Variants in SLCO6A1 observed in about 807,000 individuals in gnomAD.
SLCO6A1 encodes cancer/testis antigen 48.
SLCO6A1 carries 65 observed loss-of-function variants against 72.7 expected under a neutral mutation model. The ratio of observed to expected loss-of-function variants is 0.89; its 90% CI spans 0.73 to 1.10. SLCO6A1 has a LOEUF of 1.10. SLCO6A1 is among the 50% of genes least tolerant of loss of function. SLCO6A1 has a pLI of 0.00. For synonymous variants in SLCO6A1, 314 were observed against 298.2 expected, an observed-to-expected ratio of 1.05 and a Z score of -0.55; for missense variants, 874 against 872.6, an observed-to-expected ratio of 1.00 and a Z score of -0.02.
intron 6 of SLCO6A1, among the ~76,000 whole-genome samples, chr5:102,456,749 C>A (rs1423495251): frequency 6.6e-6 from 1 of 152,170 alleles, no homozygotes; most frequent in Non-Finnish European, 1.5e-5. Context: ...TTGGAAAAAA[C>A]TACTTTAAAG....
chr5:102,476,392 G>A (rs1471594891), intron 3 of SLCO6A1, among the ~76,000 whole-genome samples: 3 of 152,132 alleles, frequency 2.0e-5, no homozygotes, highest in Non-Finnish European at 4.4e-5. Flanking sequence ...ACAATCTTTA[G>A]GTAGAATTGC....
intron 6 of SLCO6A1, among the ~76,000 whole-genome samples, chr5:102,446,982 T>C (rs554607822): frequency 1.3e-5 from 2 of 152,300 alleles, no homozygotes; most frequent in South Asian, 2.1e-4. Context: ...CTCAAGCTCC[T>C]GACCTCGTGA....
At chr5:102,392,316 A>G (rs1746809744) in intron 10 of SLCO6A1, among the ~76,000 whole-genome samples, 1 of 151,942 alleles carries the variant, frequency 6.6e-6, no homozygotes, top group South Asian at 2.1e-4. Flanking sequence ...TTTCATTATG[A>G]GCAGATTCAC....
intron 12 of SLCO6A1, among the ~76,000 whole-genome samples, chr5:102,379,278 T>C (rs1745983551): frequency 6.6e-6 from 1 of 152,200 alleles, no homozygotes; most frequent in South Asian, 2.1e-4. Flanking sequence ...GGTAATAATT[T>C]GTTAATTTTA....
chr5:102,387,628 A>G (rs1022519797), intron 12 of SLCO6A1, among the ~76,000 whole-genome samples: 1 of 152,204 alleles, frequency 6.6e-6, no homozygotes, highest in Non-Finnish European at 1.5e-5. Flanking sequence ...CTTCGGAATT[A>G]GAAGGCATTG....
chr5:102,389,289 A>G (rs1746596505), intron 11 of SLCO6A1, among the ~76,000 whole-genome samples: 1 of 152,168 alleles, frequency 6.6e-6, no homozygotes, highest in African/African-American at 2.4e-5. Context: ...AAATGCAAAT[A>G]CACTGGCATG....
In SLCO6A1 at chr5:102,498,883, G is replaced by A; in HGVS notation, c.-39C>T. 1 of 1,550,726 alleles carries A rather than the reference G, an allele frequency of 6.4e-7. No homozygotes were observed. The highest frequency in any genetic ancestry group is 1.8e-5 in the Admixed American group (1 of 55,096). On this transcript the variant is annotated 5_prime_UTR_variant, in exon 1 of 14. Transcript: ENST00000506729. The stretch of plus-strand genomic sequence containing the variant: ...CGGCTCCTGGCGACGCGGCCCGAGT[G>A]CTCTCGGCTGCCCGTCCTGCCTGGG...
chr5:102,470,218 A>G (rs915882341), intron 4 of SLCO6A1, among the ~76,000 whole-genome samples: 1 of 152,184 alleles, frequency 6.6e-6, no homozygotes, highest in Non-Finnish European at 1.5e-5. Context: ...TGATTGGAAT[A>G]GTTTCAGAAG....
chr5:102,402,190 T>C (rs62369342), intron 9 of SLCO6A1, among the ~76,000 whole-genome samples: 43,296 of 151,896 alleles, frequency 0.29, 6,408 homozygotes, highest in South Asian at 0.35. Context: ...CCGAAGGACA[T>C]TGCATGAGGT....
intron 6 of SLCO6A1, among the ~76,000 whole-genome samples, chr5:102,458,097 G>C (rs1222779918): frequency 6.6e-6 from 1 of 151,766 alleles, no homozygotes; most frequent in Non-Finnish European, 1.5e-5. Context: ...ACAGGGGCCT[G>C]TTGTGGGGTG....
At chr5:102,443,768 C>A (rs1205690328) in intron 6 of SLCO6A1, among the ~76,000 whole-genome samples, 1 of 152,098 alleles carries the variant, frequency 6.6e-6, no homozygotes, top group Non-Finnish European at 1.5e-5. Flanking sequence ...AAGTCTATTT[C>A]TTTTCTTAAA....
chr5:102,395,613 C>T (rs528081546), intron 10 of SLCO6A1, among the ~76,000 whole-genome samples: 2 of 152,034 alleles, frequency 1.3e-5, no homozygotes, highest in African/African-American at 4.8e-5. Context: ...AAGGAATCGC[C>T]ACACTGACTT....
chr5:102,390,859 TC>T, intron 11 of SLCO6A1, 121 bp downstream of exon 11: 2 of 755,554 alleles, frequency 2.6e-6, no homozygotes, highest in African/African-American at 1.8e-5. Context: ...GCAAAGCAGC[TC>T]CCCCTTTCAC....
At chr5:102,430,234 T>C (rs539309121) in intron 7 of SLCO6A1, among the ~76,000 whole-genome samples, 3 of 152,298 alleles carry the variant, frequency 2.0e-5, no homozygotes, top group Admixed American at 1.3e-4. Context: ...AGATATAGAA[T>C]CATGTTGTTT....
intron 7 of SLCO6A1, among the ~76,000 whole-genome samples, chr5:102,426,827 A>G (rs769292036): frequency 1.3e-5 from 2 of 152,222 alleles, no homozygotes; most frequent in Non-Finnish European, 2.9e-5. Flanking sequence ...AAGTATGTTT[A>G]TTGCAGCACT....
At chr5:102,387,282 C>T (rs1746468458) in intron 12 of SLCO6A1, among the ~76,000 whole-genome samples, 1 of 152,126 alleles carries the variant, frequency 6.6e-6, no homozygotes, top group Non-Finnish European at 1.5e-5. Context: ...CATAATGTTG[C>T]AGTTCTCTAT....
intron 11 of SLCO6A1, among the ~76,000 whole-genome samples, chr5:102,390,028 G>A (rs1176128873): frequency 2.0e-5 from 3 of 152,128 alleles, no homozygotes; most frequent in Non-Finnish European, 4.4e-5. Flanking sequence ...ACAAATATGA[G>A]CACTGTGCCT....
At chr5:102,462,682 A>G (rs868010811) in intron 4 of SLCO6A1, among the ~76,000 whole-genome samples, 1 of 152,336 alleles carries the variant, frequency 6.6e-6, no homozygotes, top group South Asian at 2.1e-4. Context: ...CTGGCAAGCA[A>G]CATGTAGAAG....
chr5:102,486,196 G>A (rs903836337), intron 1 of SLCO6A1, among the ~76,000 whole-genome samples: 1 of 152,050 alleles, frequency 6.6e-6, no homozygotes, highest in Non-Finnish European at 1.5e-5. Context: ...TAGAGCAAAG[G>A]AACTATCCAA....
Sources: allele counts gnomAD v4.1 joint callset (sites outside exome capture counted in the v4.1 genomes callset), GRCh38; gene constraint gnomAD v4.1.1; transcripts MANE v1.5; gene names NCBI Gene and HGNC (gene_info 2026-07-23, HGNC 2026-07-21).